The following GNB1 variants were observed in gnomAD, a reference collection of about 807,000 sequenced individuals.
GNB1 encodes guanine nucleotide-binding protein G(I)/G(S)/G(T) subunit beta-1.
A neutral mutation model predicts 42.9 loss-of-function variants in GNB1; 2 were observed. That is an observed-to-expected ratio of 0.05 (90% CI 0.02 to 0.15). The LOEUF is 0.15. GNB1 is among the 10% of genes least tolerant of loss of function. The pLI is 1.00. For missense variants in GNB1, 193 were observed against 462.2 expected (o/e 0.42, Z 5.34); for synonymous variants, 183 against 174.7 (o/e 1.05, Z -0.38).
chr1:1,864,322 AAAAAAAAAAAAAAAG>A (rs1648795874), intron 1 of GNB1, among the ~76,000 whole-genome samples: 1 of 148,344 alleles, frequency 6.7e-6, no homozygotes, highest in Non-Finnish European at 1.5e-5. Flanking sequence ...CTCAAAAAAA[AAAAAAAAAAAAAAAG>A]AAGAAAACCC....
At position 1,884,637 on chromosome 1, in the gene GNB1, C is replaced by T. The variant is rs567762034; in HGVS notation, c.-96+6183G>A. On this transcript the variant is annotated intron_variant, in intron 1 of 11. Transcript: ENST00000378609. ...AGACATGCATGGAGACATGATTACC[C>T]ACCAGTAAACAAGAATACATTCCAC... 3.9e-5 allele frequency among the ~76,000 whole-genome samples: 6 copies of T among 152,220 alleles called. No individual in the cohort carries two copies. In the East Asian group the frequency reaches 5.8e-4, roughly 15 times the overall value.
intron 2 of GNB1, among the ~76,000 whole-genome samples, chr1:1,838,444 C>CTTTTCTTTTTTTTT (rs1458880897): frequency 1.6e-4 from 22 of 141,410 alleles, no homozygotes; most frequent in Non-Finnish European, 3.5e-4. Context: ...ACTTTTTTTT[C>CTTTTCTTTTTTTTT]TTTTCTTTTT....
chr1:1,788,888 T>A (rs1468723571), intron 10 of GNB1, 165 bp downstream of exon 10: 6 of 597,838 alleles, frequency 1.0e-5, no homozygotes, highest in Non-Finnish European at 1.8e-5. Flanking sequence ...TCCACTTGCC[T>A]GGAGGGTCAG....
intron 1 of GNB1, among the ~76,000 whole-genome samples, chr1:1,885,611 C>CA (rs1650107058): frequency 7.6e-6 from 1 of 131,832 alleles, no homozygotes; most frequent in Non-Finnish European, 1.5e-5. Context: ...GGCTGGAGTG[C>CA]AGTAGCACGA....
At position 1,839,542 on chromosome 1, in the gene GNB1, G is replaced by C. The variant is rs936061474; in HGVS notation, c.-95-304C>G. 5.9e-5 allele frequency: 9 copies of C among 152,000 alleles called. 1 individual carries two copies. Among genetic ancestry groups the C allele is most frequent in the African/African-American group, 1.9e-4 (8 of 41,398 alleles). 9.4% of individuals were successfully genotyped at this position (152,000 alleles called of 1,614,324 possible). On this transcript the variant is annotated intron_variant, in intron 1 of 11. Transcript: ENST00000378609. ...GAATCCTATCACTAGAAAAATTACAGTAACAATTTAAAAACTAATGCAGGC... is the reference window on the plus strand; with the variant it reads ...GAATCCTATCACTAGAAAAATTACACTAACAATTTAAAAACTAATGCAGGC...
At chr1:1,834,144 T>C (rs6603797) in intron 2 of GNB1, among the ~76,000 whole-genome samples, 126,699 of 151,916 alleles carry the variant, frequency 0.83, 54,713 homozygotes, top group Non-Finnish European at 0.95. Context: ...ACTCACCCAT[T>C]AGACGCTGGC....
At chr1:1,832,893 TTATCTA>T (rs1296685980) in intron 2 of GNB1, among the ~76,000 whole-genome samples, 2 of 152,198 alleles carry the variant, frequency 1.3e-5, no homozygotes, top group Non-Finnish European at 2.9e-5. Context: ...GGGAATGGTG[TTATCTA>T]TATCACAGAG....
chr1:1,875,912 T>A (rs116593445), intron 1 of GNB1, among the ~76,000 whole-genome samples: 1,687 of 152,226 alleles, frequency 0.011, 12 homozygotes, highest in Admixed American at 0.017. Flanking sequence ...CAGGTATGAT[T>A]AGTTAAGTTA....
intron 7 of GNB1, among the ~76,000 whole-genome samples, chr1:1,800,869 A>G (rs1488265431): frequency 6.6e-6 from 1 of 152,262 alleles, no homozygotes; most frequent in Non-Finnish European, 1.5e-5. Flanking sequence ...AGAGAAATGA[A>G]CACTAAGTGC....
chr1:1,812,135 ATTTG>A (rs1557895962), intron 5 of GNB1, among the ~76,000 whole-genome samples: 1 of 152,086 alleles, frequency 6.6e-6, no homozygotes, highest in Non-Finnish European at 1.5e-5. Context: ...AAGCAATAAC[ATTTG>A]TTTATGAAGG....
intron 7 of GNB1, among the ~76,000 whole-genome samples, chr1:1,799,235 G>C (rs1646591473): frequency 6.6e-6 from 1 of 152,148 alleles, no homozygotes. Flanking sequence ...ACACTCTTAA[G>C]AGGCCAAATG....
intron 1 of GNB1, among the ~76,000 whole-genome samples, chr1:1,856,401 G>C (rs990498588): frequency 1.3e-5 from 2 of 152,160 alleles, no homozygotes; most frequent in Non-Finnish European, 2.9e-5. Context: ...TGGGATAACA[G>C]GCATAAGCCA....
At chr1:1,853,058 C>T (rs1214903383) in intron 1 of GNB1, among the ~76,000 whole-genome samples, 1 of 152,122 alleles carries the variant, frequency 6.6e-6, no homozygotes, top group East Asian at 1.9e-4. Context: ...TCCCTCCCAG[C>T]TCTCCTGCAG....
At chr1:1,806,209 G>A (rs1646693528) in intron 6 of GNB1, among the ~76,000 whole-genome samples, 1 of 152,156 alleles carries the variant, frequency 6.6e-6, no homozygotes, top group Non-Finnish European at 1.5e-5. Flanking sequence ...AGGTCTCCTA[G>A]AAACACAGAA....
At chr1:1,814,797 C>CAAAAAAAAAAAAA (rs66588627) in intron 5 of GNB1, among the ~76,000 whole-genome samples, 1 of 77,596 alleles carries the variant, frequency 1.3e-5, no homozygotes, top group South Asian at 4.2e-4. Context: ...GACCCTGTCT[C>CAAAAAAAAAAAAA]AAAAAAAAAA....
At chr1:1,877,601 G>A (rs1451018778) in intron 1 of GNB1, among the ~76,000 whole-genome samples, 1 of 151,940 alleles carries the variant, frequency 6.6e-6, no homozygotes, top group Non-Finnish European at 1.5e-5. Flanking sequence ...GCCTCCCAAA[G>A]TGCTAAGATT....
intron 2 of GNB1, among the ~76,000 whole-genome samples, chr1:1,835,364 T>C (rs1305836121): frequency 2.0e-5 from 3 of 152,278 alleles, no homozygotes; most frequent in Non-Finnish European, 4.4e-5. Context: ...TGTCTGAAAG[T>C]GGGGACAGTA....
At chr1:1,822,324 C>A (rs1341311881) in intron 3 of GNB1, among the ~76,000 whole-genome samples, 1 of 134,666 alleles carries the variant, frequency 7.4e-6, no homozygotes, top group East Asian at 2.2e-4. Context: ...TTTTTTGAGA[C>A]GGAGTCTCGC....
At position 1,847,492 on chromosome 1, in the gene GNB1, G is replaced by T. The variant is rs538072991; in HGVS notation, c.-95-8254C>A. ...CCCCAAACACAGCACCTCTCCTTCA[G>T]CCTCTAGATTAGGGGGTCATAAGGA... On this transcript the variant is annotated intron_variant, in intron 1 of 11. Coordinates refer to ENST00000378609, the MANE Select transcript of GNB1 (RefSeq NM_002074.5). Among the ~76,000 whole-genome samples, 5 of 152,272 alleles carry T rather than the reference G, an allele frequency of 3.3e-5. No individual in the cohort carries two copies. The South Asian group carries it at 1.0e-3, about 32-fold the overall frequency.
Sources: allele counts gnomAD v4.1 joint callset (sites outside exome capture counted in the v4.1 genomes callset), GRCh38; gene constraint gnomAD v4.1.1; transcripts MANE v1.5; gene names NCBI Gene and HGNC (gene_info 2026-07-23, HGNC 2026-07-21).